The following SLIT3 variants were observed in gnomAD, a reference collection of about 807,000 sequenced individuals.
The protein encoded by SLIT3 is slit homolog 3 protein.
In SLIT3, 68 loss-of-function variants were observed where a neutral mutation model predicts 184.0. The ratio of observed to expected loss-of-function variants is 0.37; its 90% CI spans 0.30 to 0.45. The LOEUF is 0.45. SLIT3 is among the 20% of genes least tolerant of loss of function. The pLI, the probability that SLIT3 is intolerant of heterozygous loss-of-function variation, is 1.00. For synonymous variants in SLIT3, 831 were observed against 828.6 expected (o/e 1.00, Z -0.05); for missense variants, 1,707 against 2,026.0 (o/e 0.84, Z 3.02).
intron 4 of SLIT3, among the ~76,000 whole-genome samples, chr5:169,117,761 G>A (rs763254806): frequency 1.3e-5 from 2 of 152,174 alleles, no homozygotes; most frequent in Admixed American, 6.5e-5. Context: ...TTCTCAAAAG[G>A]AGAACTCTGT....
At chr5:168,735,111 C>G (rs571561055) in intron 20 of SLIT3, among the ~76,000 whole-genome samples, 1 of 152,196 alleles carries the variant, frequency 6.6e-6, no homozygotes, top group Non-Finnish European at 1.5e-5. Context: ...TCTTGCCCCA[C>G]CAGCCTTAGA....
intron 5 of SLIT3, among the ~76,000 whole-genome samples, chr5:168,863,961 G>A (rs984953942): frequency 6.6e-6 from 1 of 150,938 alleles, no homozygotes; most frequent in African/African-American, 2.4e-5. Flanking sequence ...GCTCATGCCT[G>A]TAATTTCAGC....
rs959020863 is a variant in SLIT3 at position 168,773,341 on chromosome 5, G to A, written c.1296-397C>T. 7.2e-5 allele frequency among the ~76,000 whole-genome samples: 11 copies of A among 152,280 alleles called. No homozygotes were observed. In the East Asian group the frequency reaches 1.9e-3, roughly 27 times the overall value. ...ACTAGGCACATAAAGCAGCTGGCAC[G>A]GCGCCTGGCATATGGTGGGTGTTCC... On this transcript the variant is annotated intron_variant, in intron 13 of 35. Coordinates refer to ENST00000519560, the MANE Select transcript of SLIT3 (RefSeq NM_003062.4).
Position 168,759,039 on chromosome 5 carries a change from AT to A in SLIT3, c.1685+1822del, listed in dbSNP as rs766935465. 4.9e-4 allele frequency among the ~76,000 whole-genome samples: 74 copies of A among 152,282 alleles called. 2 individuals carry two copies. Among genetic ancestry groups the A allele is most frequent in the Admixed American group, 3.1e-3 (47 of 15,288 alleles). On this transcript the variant is annotated intron_variant, in intron 16 of 35. Transcript: ENST00000519560. ...TATGGTGTACATGAAACACAAGTGA[AT>A]TTCGTGTTTAGACTTGCATCCCAGC... is the stretch of plus-strand genomic sequence containing the variant.
intron 5 of SLIT3, among the ~76,000 whole-genome samples, chr5:168,857,258 AG>A: frequency 2.6e-5 from 4 of 152,296 alleles, no homozygotes; most frequent in African/African-American, 9.6e-5. Flanking sequence ...TGATTCCAAA[AG>A]GGGAAATAAG....
At chr5:168,831,855 G>A (rs946116975) in intron 6 of SLIT3, among the ~76,000 whole-genome samples, 1 of 152,166 alleles carries the variant, frequency 6.6e-6, no homozygotes, top group African/African-American at 2.4e-5. Context: ...ATGACAGGCA[G>A]AAATTCGTCT....
intron 4 of SLIT3, among the ~76,000 whole-genome samples, chr5:168,946,230 C>T (rs1237149652): frequency 6.6e-6 from 1 of 152,142 alleles, no homozygotes; most frequent in Non-Finnish European, 1.5e-5. Flanking sequence ...ATTTGAGAAC[C>T]TATCCAAGGG....
intron 6 of SLIT3, among the ~76,000 whole-genome samples, chr5:168,828,849 C>A (rs149722786): frequency 1.3e-5 from 2 of 151,984 alleles, no homozygotes; most frequent in Non-Finnish European, 2.9e-5. Context: ...CATTGAACTA[C>A]GGAAAAAGCT....
chr5:168,954,903 A>G (rs1433029020), intron 4 of SLIT3, among the ~76,000 whole-genome samples: 1 of 152,244 alleles, frequency 6.6e-6, no homozygotes, highest in East Asian at 1.9e-4. Context: ...TTTAATGGTG[A>G]AAACTTTAAG....
intron 5 of SLIT3, among the ~76,000 whole-genome samples, chr5:168,856,975 A>AGGGATGGTGGGGGGGCCTGGTG: frequency 6.6e-6 from 1 of 151,744 alleles, no homozygotes; most frequent in African/African-American, 2.4e-5. Context: ...CTCCTGGGGA[A>AGGGATGGTGGGGGGGCCTGGTG]GGGATGGTGG....
At chr5:169,269,083 C>T (rs1766505775) in intron 1 of SLIT3, among the ~76,000 whole-genome samples, 1 of 152,238 alleles carries the variant, frequency 6.6e-6, no homozygotes, top group Non-Finnish European at 1.5e-5. Flanking sequence ...ATGGTCTGAG[C>T]TCCCTGCTCT....
intron 4 of SLIT3, chr5:169,022,258 C>T (rs1223294829): frequency 6.6e-6 from 1 of 152,140 alleles, no homozygotes. Context: ...TTTGTGCCCT[C>T]GAGAATTGTA....
intron 4 of SLIT3, chr5:169,024,352 T>C (rs902927670): frequency 2.6e-5 from 4 of 152,164 alleles, no homozygotes. Context: ...CTTCATCCAA[T>C]ATACTACCCT....
intron 6 of SLIT3, among the ~76,000 whole-genome samples, chr5:168,838,152 C>T (rs1040474335): frequency 6.6e-6 from 1 of 152,128 alleles, no homozygotes; most frequent in Non-Finnish European, 1.5e-5. Flanking sequence ...CCGGTAGGTG[C>T]TTTTAATTTT....
rs116095430 is a variant in SLIT3, at chr5:169,274,239, G to A, written c.198-22780C>T. ...TTGGGAACCACTAGTCTAGAAGACC[G>A]ATTTATGCTGTGGGAATTGGAAAAA... On this transcript the variant is annotated intron_variant, in intron 1 of 35. Transcript: ENST00000519560. Among the ~76,000 whole-genome samples, 308 of 152,310 alleles carry A rather than the reference G, an allele frequency of 2.0e-3. 2 individuals carry two copies. The highest frequency in any genetic ancestry group is 7.0e-3 in the African/African-American group (293 of 41,568).
intron 3 of SLIT3, among the ~76,000 whole-genome samples, chr5:169,200,146 C>T (rs1296547856): frequency 6.6e-6 from 1 of 152,220 alleles, no homozygotes; most frequent in Non-Finnish European, 1.5e-5. Context: ...GGGGTCACTA[C>T]TTCCCCTCCC....
intron 19 of SLIT3, 90 bp downstream of exon 19, chr5:168,749,382 G>C: frequency 6.8e-7 from 1 of 1,463,820 alleles, no homozygotes. Context: ...AGTGGAATTG[G>C]ATCTCAGGGA....
chr5:168,731,516 G>A (rs1399768916), intron 20 of SLIT3, among the ~76,000 whole-genome samples: 1 of 151,690 alleles, frequency 6.6e-6, no homozygotes, highest in African/African-American at 2.4e-5. Flanking sequence ...AAAACTACAG[G>A]CTAACATCCT....
At chr5:169,076,969 C>A (rs1332033632) in intron 4 of SLIT3, among the ~76,000 whole-genome samples, 1 of 152,012 alleles carries the variant, frequency 6.6e-6, no homozygotes, top group Non-Finnish European at 1.5e-5. Context: ...CACACATACA[C>A]ACACACACAC....
Sources: gnomAD v4.1 joint callset for allele counts (sites outside exome capture counted in the v4.1 genomes callset) on GRCh38, gnomAD v4.1.1 for gene constraint, MANE v1.5 for transcripts, NCBI Gene and HGNC (gene_info 2026-07-23, HGNC 2026-07-21) for gene names.